The following PTCHD4 variants were observed in gnomAD, a reference collection of about 807,000 sequenced individuals.
PTCHD4 encodes the protein patched domain containing 4.
A neutral mutation model predicts 58.1 loss-of-function variants in PTCHD4; 33 were observed. The observed-to-expected ratio is 0.57, with a 90% CI of 0.43 to 0.76. The LOEUF is 0.76. Ranked by LOEUF, PTCHD4 falls within the 30% of genes least tolerant of loss-of-function variation. The pLI, the probability that PTCHD4 is intolerant of heterozygous loss-of-function variation, is 0.00. For synonymous variants in PTCHD4, 478 were observed against 409.6 expected (o/e 1.17, Z -2.02); for missense variants, 1,058 against 1,027.1 (o/e 1.03, Z -0.41).
intron 4 of PTCHD4, among the ~76,000 whole-genome samples, chr6:47,937,248 AAG>A (rs1204089560): frequency 6.6e-6 from 1 of 152,214 alleles, no homozygotes; most frequent in African/African-American, 2.4e-5. Flanking sequence ...GTAACAGGGC[AAG>A]AGCGGAAGTA....
chr6:48,052,879 G>T (rs138904331), intron 3 of PTCHD4, among the ~76,000 whole-genome samples: 2 of 151,964 alleles, frequency 1.3e-5, no homozygotes, highest in African/African-American at 4.8e-5. Context: ...TATAATTGCC[G>T]TTTAAAAATA....
intron 4 of PTCHD4, among the ~76,000 whole-genome samples, chr6:47,881,486 C>T (rs1764019509): frequency 6.6e-6 from 1 of 152,104 alleles, no homozygotes; most frequent in Non-Finnish European, 1.5e-5. Flanking sequence ...TATAATGAAG[C>T]CACTGGGATG....
intron 4 of PTCHD4, among the ~76,000 whole-genome samples, chr6:47,972,701 C>A (rs1313660468): frequency 6.6e-6 from 1 of 151,860 alleles, no homozygotes; most frequent in African/African-American, 2.4e-5. Flanking sequence ...ACCATTTATC[C>A]ATCTATCTTT....
intron 4 of PTCHD4, among the ~76,000 whole-genome samples, chr6:47,902,347 A>G (rs6458595): frequency 0.63 from 95,400 of 151,956 alleles, 30,815 homozygotes; most frequent in East Asian, 0.78. Flanking sequence ...CATATATTCA[A>G]GAAATACTTA....
At chr6:48,099,707 T>C (rs1765557210) in intron 1 of PTCHD4, among the ~76,000 whole-genome samples, 1 of 152,204 alleles carries the variant, frequency 6.6e-6, no homozygotes, top group Non-Finnish European at 1.5e-5. Context: ...CCTCACTGCA[T>C]GTCTGAAGCA....
chr6:47,950,130 G>A (rs1440289979), intron 4 of PTCHD4, among the ~76,000 whole-genome samples: 2 of 150,026 alleles, frequency 1.3e-5, no homozygotes, highest in Non-Finnish European at 2.9e-5. Flanking sequence ...AACATGCGGT[G>A]TTTGGTTTTT....
intron 3 of PTCHD4, among the ~76,000 whole-genome samples, chr6:48,056,698 C>T (rs1191983320): frequency 6.6e-6 from 1 of 152,156 alleles, no homozygotes; most frequent in African/African-American, 2.4e-5. Flanking sequence ...CCCTTGCAGA[C>T]CTTCACCTAT....
rs1763513023 is a variant in PTCHD4, at chr6:47,864,743, T to G, written c.*13560A>C. ...TTTTCACAGGTCATTTTAATGCTAA[T>G]GTTAAAACCATGTATGTGTGAAATA... On this transcript the variant is annotated 3_prime_UTR_variant, in exon 5 of 5. Coordinates refer to ENST00000339488, the MANE Select transcript of PTCHD4 (RefSeq NM_001384253.1). Among the ~76,000 whole-genome samples, 1 of 152,012 alleles carries G rather than the reference T, an allele frequency of 6.6e-6. No individual in the cohort carries two copies. The highest frequency in any genetic ancestry group is 6.6e-5 in the Admixed American group (1 of 15,246).
In PTCHD4 at chr6:47,947,385, C is replaced by T. The variant is rs185536021; in HGVS notation, c.898+61249G>A. 3.1e-3 allele frequency among the ~76,000 whole-genome samples: 474 copies of T among 152,046 alleles called. 4 individuals are homozygous for T. Among genetic ancestry groups the T allele is most frequent in the African/African-American group, 9.5e-3 (395 of 41,516 alleles). On this transcript the variant is annotated intron_variant, in intron 4 of 4. Coordinates refer to ENST00000339488, the MANE Select transcript of PTCHD4 (RefSeq NM_001384253.1). ...ATATTTACCAGAGAGTTTATATTCT[C>T]TTTTATTCATGTTTCTTTTAGTATC... is the stretch of plus-strand genomic sequence containing the variant.
chr6:47,946,843 T>C (rs1167232611), intron 4 of PTCHD4, among the ~76,000 whole-genome samples: 1 of 152,140 alleles, frequency 6.6e-6, no homozygotes, highest in Non-Finnish European at 1.5e-5. Context: ...TCTATTTCTT[T>C]TTAGTTTTTA....
chr6:47,970,847 T>C (rs1394864552), intron 4 of PTCHD4, among the ~76,000 whole-genome samples: 1 of 152,242 alleles, frequency 6.6e-6, no homozygotes, highest in Non-Finnish European at 1.5e-5. Flanking sequence ...TTTCAGACTC[T>C]GTGCACTGAC....
intron 4 of PTCHD4, among the ~76,000 whole-genome samples, chr6:47,920,793 G>T (rs1487732592): frequency 6.6e-6 from 1 of 152,006 alleles, no homozygotes; most frequent in African/African-American, 2.4e-5. Flanking sequence ...GTTTAAAAAA[G>T]GTAAAATTCC....
At chr6:47,922,591 A>G (rs1482135809) in intron 4 of PTCHD4, among the ~76,000 whole-genome samples, 1 of 152,192 alleles carries the variant, frequency 6.6e-6, no homozygotes. Flanking sequence ...AGCCACACAG[A>G]GCATATGGCT....
chr6:47,953,816 A>T (rs1269903970), intron 4 of PTCHD4, among the ~76,000 whole-genome samples: 1 of 152,202 alleles, frequency 6.6e-6, no homozygotes, highest in East Asian at 1.9e-4. Flanking sequence ...TCTTCCTTTA[A>T]TTTTGAATGC....
intron 4 of PTCHD4, among the ~76,000 whole-genome samples, chr6:47,982,159 AATTT>A (rs1358592212): frequency 6.6e-6 from 1 of 152,116 alleles, no homozygotes; most frequent in Non-Finnish European, 1.5e-5. Flanking sequence ...AGGTATTCAC[AATTT>A]ATAGTTTGGG....
chr6:48,040,998 C>T (rs1430891437), intron 3 of PTCHD4, among the ~76,000 whole-genome samples: 2 of 151,980 alleles, frequency 1.3e-5, no homozygotes, highest in Middle Eastern at 3.2e-3. Flanking sequence ...ATATATAATC[C>T]ATGGTAATGA....
chr6:47,917,902 G>A (rs1765309448), intron 4 of PTCHD4, among the ~76,000 whole-genome samples: 1 of 152,158 alleles, frequency 6.6e-6, no homozygotes, highest in African/African-American at 2.4e-5. Context: ...TAAAACTGCA[G>A]TTGAGCAGAA....
chr6:47,882,046 A>G (rs1490726152), intron 4 of PTCHD4, among the ~76,000 whole-genome samples: 1 of 152,126 alleles, frequency 6.6e-6, no homozygotes, highest in African/African-American at 2.4e-5. Context: ...GTTCATTCCT[A>G]TCTTCGGCAA....
intron 4 of PTCHD4, among the ~76,000 whole-genome samples, chr6:47,962,943 T>C (rs1331129872): frequency 6.6e-6 from 1 of 151,872 alleles, no homozygotes; most frequent in Non-Finnish European, 1.5e-5. Flanking sequence ...ATGGATTGCC[T>C]GAGTTCAGGA....
Sources: allele counts gnomAD v4.1 joint callset (sites outside exome capture counted in the v4.1 genomes callset), GRCh38; gene constraint gnomAD v4.1.1; transcripts MANE v1.5; gene names NCBI Gene and HGNC (gene_info 2026-07-23, HGNC 2026-07-21).